The following ST6GALNAC3 variants were observed in gnomAD, a reference collection of about 807,000 sequenced individuals.
ST6GALNAC3 encodes the protein alpha-N-acetylgalactosaminide alpha-2,6-sialyltransferase 3.
Under a neutral mutation model 32.7 loss-of-function variants are expected in ST6GALNAC3, and 25 were observed. The observed-to-expected ratio is 0.76, with a 90% confidence interval of 0.56 to 1.07. ST6GALNAC3 has a LOEUF of 1.07. Among genes scored for constraint, ST6GALNAC3 ranks in the 50% least tolerant of loss-of-function variants. The pLI is 0.00. For missense variants in ST6GALNAC3, 355 were observed against 382.4 expected (o/e 0.93, Z 0.60); for synonymous variants, 129 against 133.1 (o/e 0.97, Z 0.21).
intron 1 of ST6GALNAC3, among the ~76,000 whole-genome samples, chr1:76,281,868 G>A (rs979606652): frequency 6.6e-6 from 1 of 152,126 alleles, no homozygotes; most frequent in Non-Finnish European, 1.5e-5. Flanking sequence ...AGGAAAGGGA[G>A]GAAGGAAACA....
chr1:76,316,646 G>T (rs1355105868), intron 2 of ST6GALNAC3, among the ~76,000 whole-genome samples: 1 of 152,044 alleles, frequency 6.6e-6, no homozygotes, highest in African/African-American at 2.4e-5. Context: ...CCTCTGAGAG[G>T]AGTGGGCAGC....
chr1:76,448,005 A>G (rs976910123), intron 3 of ST6GALNAC3, among the ~76,000 whole-genome samples: 1 of 152,100 alleles, frequency 6.6e-6, no homozygotes, highest in East Asian at 1.9e-4. Flanking sequence ...AGAATGGTAG[A>G]TCCACCTACA....
intron 3 of ST6GALNAC3, among the ~76,000 whole-genome samples, chr1:76,566,023 C>A (rs570225678): frequency 3.3e-5 from 5 of 152,266 alleles, no homozygotes; most frequent in African/African-American, 9.6e-5. Flanking sequence ...AGTCGGTAAA[C>A]TACATATTTA....
chr1:76,151,417 G>T (rs1055054331), intron 1 of ST6GALNAC3, among the ~76,000 whole-genome samples: 1 of 152,180 alleles, frequency 6.6e-6, no homozygotes, highest in Non-Finnish European at 1.5e-5. Context: ...TTAGTCCCTC[G>T]TAGAAAGGCA....
chr1:76,134,696 G>A (rs1343988513), intron 1 of ST6GALNAC3, among the ~76,000 whole-genome samples: 11 of 152,186 alleles, frequency 7.2e-5, no homozygotes, highest in Non-Finnish European at 1.6e-4. Flanking sequence ...CTGAACTCCT[G>A]CATGGGTAGT....
At chr1:76,273,477 G>C (rs1387163886) in intron 1 of ST6GALNAC3, among the ~76,000 whole-genome samples, 1 of 151,936 alleles carries the variant, frequency 6.6e-6, no homozygotes, top group African/African-American at 2.4e-5. Flanking sequence ...GAGAGGAAGA[G>C]CTCACAGTTC....
rs539244607 is a variant in ST6GALNAC3 at position 76,139,291 on chromosome 1, C to T, written c.18+64407C>T. Among the ~76,000 whole-genome samples, 39 of 152,012 alleles carry T rather than the reference C, an allele frequency of 2.6e-4. 1 individual carries two copies. Among genetic ancestry groups the T allele is most frequent in the African/African-American group, 9.2e-4 (38 of 41,436 alleles). On this transcript the variant is annotated intron_variant, in intron 1 of 4. Transcript: ENST00000328299. ...ATGCACACTTAAGCACACAGATTCA[C>T]ACATACATTCACAACTCATACATAC...
intron 3 of ST6GALNAC3, among the ~76,000 whole-genome samples, chr1:76,437,741 C>T (rs1443355488): frequency 3.3e-5 from 5 of 151,832 alleles, no homozygotes; most frequent in African/African-American, 4.8e-5. Context: ...CTACGCCCAG[C>T]TAATTTTTTT....
intron 2 of ST6GALNAC3, among the ~76,000 whole-genome samples, chr1:76,361,089 T>C (rs544238760): frequency 6.6e-6 from 1 of 152,236 alleles, no homozygotes; most frequent in South Asian, 2.1e-4. Flanking sequence ...AAAATTAATG[T>C]AAAATTTAGC....
In ST6GALNAC3 at chr1:76,634,220, G is replaced by A; in HGVS notation, c.*5414G>A. ...TGAAGAACATCTTGATGAATAAACA[G>A]TCAACTACCAAGTTCACATATTTGC... is the stretch of plus-strand genomic sequence containing the variant. On this transcript the variant is annotated 3_prime_UTR_variant, in exon 5 of 5. Transcript: ENST00000328299. 1.1e-6 allele frequency: 1 copy of A among 939,598 alleles called. No individual in the cohort carries two copies. The highest frequency in any genetic ancestry group is 1.3e-6 in the Non-Finnish European group (1 of 788,322). The allele number at this position is 939,598 out of a possible 1,614,324, so 58.2% of individuals were successfully genotyped here.
intron 1 of ST6GALNAC3, among the ~76,000 whole-genome samples, chr1:76,118,101 C>T (rs181611039): frequency 6.6e-6 from 1 of 152,242 alleles, no homozygotes; most frequent in East Asian, 1.9e-4. Context: ...TTAAGCCCTG[C>T]ATGCGTTAGT....
intron 3 of ST6GALNAC3, among the ~76,000 whole-genome samples, chr1:76,588,913 T>C (rs1442339701): frequency 1.3e-5 from 2 of 152,206 alleles, no homozygotes. Flanking sequence ...TATCTTTGAA[T>C]TGCCTCCTCT....
intron 1 of ST6GALNAC3, among the ~76,000 whole-genome samples, chr1:76,079,160 C>A (rs1646856793): frequency 6.6e-6 from 1 of 152,180 alleles, no homozygotes; most frequent in South Asian, 2.1e-4. Context: ...CTGTTTTCAG[C>A]AGCTCCAGGA....
chr1:76,316,011 T>A (rs1646857676), intron 2 of ST6GALNAC3, among the ~76,000 whole-genome samples: 1 of 152,118 alleles, frequency 6.6e-6, no homozygotes, highest in Non-Finnish European at 1.5e-5. Context: ...CTCAATCTCA[T>A]TAGTAATCAT....
chr1:76,292,939 ATGTCAACTCCCTCTTCCC>A (rs1006205789), intron 1 of ST6GALNAC3, among the ~76,000 whole-genome samples: 18 of 152,132 alleles, frequency 1.2e-4, no homozygotes, highest in Admixed American at 6.5e-4. Flanking sequence ...AAAAATAAAC[ATGTCAACTCCCTCTTCCC>A]TGTGAGTATT....
chr1:76,512,827 C>T (rs1043790860), intron 3 of ST6GALNAC3, among the ~76,000 whole-genome samples: 1 of 151,810 alleles, frequency 6.6e-6, no homozygotes, highest in Non-Finnish European at 1.5e-5. Context: ...TTTTTCTTTT[C>T]GATAACAGCC....
At chr1:76,505,184 C>T (rs1305946244) in intron 3 of ST6GALNAC3, among the ~76,000 whole-genome samples, 6 of 151,182 alleles carry the variant, frequency 4.0e-5, no homozygotes, top group African/African-American at 9.8e-5. Context: ...AGTGCAGAGG[C>T]GCGGTCTCAG....
intron 3 of ST6GALNAC3, among the ~76,000 whole-genome samples, chr1:76,625,717 G>C (rs1314782985): frequency 6.6e-6 from 1 of 151,818 alleles, no homozygotes; most frequent in Non-Finnish European, 1.5e-5. Flanking sequence ...TGTCTAAAAG[G>C]CAAAGTTGTT....
chr1:76,327,312 G>GTA (rs1557790435), intron 2 of ST6GALNAC3, among the ~76,000 whole-genome samples: 1 of 136,858 alleles, frequency 7.3e-6, no homozygotes, highest in African/African-American at 3.0e-5. Context: ...GTGTGTGTGT[G>GTA]TGTATGTGTG....
Sources: gnomAD v4.1 joint callset for allele counts (sites outside exome capture counted in the v4.1 genomes callset) on GRCh38, gnomAD v4.1.1 for gene constraint, MANE v1.5 for transcripts, NCBI Gene and HGNC (gene_info 2026-07-23, HGNC 2026-07-21) for gene names.